The following FAM13A variants were observed in gnomAD, a reference collection of about 807,000 sequenced individuals.
FAM13A encodes protein FAM13A.
A neutral mutation model predicts 129.6 loss-of-function variants in FAM13A; 76 were observed. The observed-to-expected ratio is 0.59, with a 90% confidence interval of 0.49 to 0.71. FAM13A has a LOEUF of 0.71. FAM13A is among the 30% of genes least tolerant of loss of function. FAM13A has a pLI of 0.00. For missense variants in FAM13A, 1,108 were observed against 1,249.3 expected (o/e 0.89, Z 1.70); for synonymous variants, 443 against 449.9 (o/e 0.98, Z 0.20).
intron 4 of FAM13A, among the ~76,000 whole-genome samples, chr4:88,988,293 A>C (rs1762519375): frequency 6.6e-6 from 1 of 152,218 alleles, no homozygotes; most frequent in South Asian, 2.1e-4. Context: ...AGGCCTAACA[A>C]CCAAGTAGAA....
chr4:88,980,858 T>C (rs1579608602), intron 4 of FAM13A, among the ~76,000 whole-genome samples: 1 of 152,196 alleles, frequency 6.6e-6, no homozygotes, highest in East Asian at 1.9e-4. Flanking sequence ...TTAGCTGATA[T>C]CATTTAATAT....
At chr4:88,914,860 C>A (rs1350572314) in intron 5 of FAM13A, among the ~76,000 whole-genome samples, 1 of 152,096 alleles carries the variant, frequency 6.6e-6, no homozygotes, top group Non-Finnish European at 1.5e-5. Flanking sequence ...CATTAATTTC[C>A]AACCATTAGA....
At chr4:89,039,095 C>T (rs1769769996) in intron 1 of FAM13A, among the ~76,000 whole-genome samples, 1 of 152,144 alleles carries the variant, frequency 6.6e-6, no homozygotes, top group African/African-American at 2.4e-5. Flanking sequence ...GTGATGCTCA[C>T]TAGCTTGTAA....
intron 4 of FAM13A, among the ~76,000 whole-genome samples, chr4:88,947,600 AC>A (rs1756143195): frequency 6.6e-6 from 1 of 152,072 alleles, no homozygotes; most frequent in African/African-American, 2.4e-5. Context: ...ATTTTTGGCT[AC>A]CTGTTCCTGC....
intron 15 of FAM13A, 57 bp from the exon 16 acceptor site, chr4:88,749,966 G>A: frequency 6.3e-7 from 1 of 1,589,954 alleles, no homozygotes; most frequent in Non-Finnish European, 8.6e-7. Context: ...CTTGCCTAGA[G>A]GGGCCCTGGG....
rs563132111 is a variant in FAM13A at position 88,873,753 on chromosome 4, T to G, written c.844-22570A>C. Among the ~76,000 whole-genome samples the G allele has an allele frequency of 1.1e-4, 17 of 152,066 alleles. No individual in the cohort carries two copies. The South Asian group carries it at 3.3e-3, about 30-fold the overall frequency. On this transcript the variant is annotated intron_variant, in intron 6 of 23. Coordinates refer to ENST00000264344, the MANE Select transcript of FAM13A (RefSeq NM_014883.4). ...ACCATTCCTTCTGAAACTATTCCAA[T>G]AGAAAAAGAGGGAATCCTCCCTAAC...
At chr4:88,873,201 T>C (rs1458774460) in intron 6 of FAM13A, among the ~76,000 whole-genome samples, 2 of 152,070 alleles carry the variant, frequency 1.3e-5, no homozygotes, top group Admixed American at 1.3e-4. Context: ...AGATCTAAAA[T>C]TGACACCCTA....
chr4:88,953,347 C>T (rs1273197759), intron 4 of FAM13A, among the ~76,000 whole-genome samples: 7 of 151,914 alleles, frequency 4.6e-5, no homozygotes, highest in Non-Finnish European at 8.8e-5. Flanking sequence ...CCCAGCTACT[C>T]GGGAGGCTGA....
intron 4 of FAM13A, among the ~76,000 whole-genome samples, chr4:88,979,838 G>A (rs1292478246): frequency 6.6e-6 from 1 of 152,090 alleles, no homozygotes; most frequent in Non-Finnish European, 1.5e-5. Flanking sequence ...AGGTGTGGTG[G>A]CATGTGTCTG....
intron 7 of FAM13A, among the ~76,000 whole-genome samples, chr4:88,821,190 A>C (rs1578814982): frequency 6.6e-6 from 1 of 152,358 alleles, no homozygotes; most frequent in East Asian, 1.9e-4. Context: ...AGACAACCGC[A>C]CAAACCTGGT....
intron 5 of FAM13A, among the ~76,000 whole-genome samples, chr4:88,919,963 G>A (rs1750757219): frequency 6.6e-6 from 1 of 152,252 alleles, no homozygotes; most frequent in Non-Finnish European, 1.5e-5. Flanking sequence ...AGCAGTCTGA[G>A]ATCAAACTGC....
Position 88,768,072 on chromosome 4 carries a change from C to T in FAM13A, c.1459-13G>A. 1.3e-6 allele frequency: 2 copies of T among 1,544,506 alleles called. No individual in the cohort carries two copies. The highest frequency in any genetic ancestry group is 1.8e-6 in the Non-Finnish European group (2 of 1,118,392). On this transcript the variant is annotated splice_polypyrimidine_tract_variant and intron_variant, in intron 11 of 23. Transcript: ENST00000264344. ...GACTTTCCATATTCTGTAACAGAAC[C>T]ATTATTGGTTGCCTAATAGGAATGG...
At chr4:88,979,129 A>C (rs1761306802) in intron 4 of FAM13A, among the ~76,000 whole-genome samples, 1 of 152,216 alleles carries the variant, frequency 6.6e-6, no homozygotes, top group African/African-American at 2.4e-5. Flanking sequence ...CCTTACAGTA[A>C]TTAAATAAGC....
chr4:88,919,644 T>C (rs1202347246), intron 5 of FAM13A, among the ~76,000 whole-genome samples: 3 of 152,212 alleles, frequency 2.0e-5, no homozygotes, highest in African/African-American at 4.8e-5. Context: ...GATTTCTGCA[T>C]TTCCATCTGA....
Position 88,938,202 on chromosome 4 carries a change from C to G in FAM13A, c.645G>C (p.Leu215=). The change falls in exon 5 of 24, where the codon CTG becomes CTC. Residue 215 remains leucine, a synonymous_variant. Transcript: ENST00000264344. ...PGLEGMKEQD[L]CNKIMAKILE... The stretch of plus-strand genomic sequence containing the variant: ...GAATTTTAGCCATTATCTTGTTGCA[C>G]AGGTCCTGTTCCTTCATGCCTTCAA... 1 of 1,613,310 alleles carries G rather than the reference C, an allele frequency of 6.2e-7. No individual in the cohort carries two copies. Among genetic ancestry groups the G allele is most frequent in the South Asian group, 1.1e-5 (1 of 90,898 alleles).
intron 1 of FAM13A, among the ~76,000 whole-genome samples, chr4:89,051,525 C>T (rs1032346311): frequency 2.0e-5 from 3 of 152,176 alleles, no homozygotes; most frequent in African/African-American, 7.2e-5. Flanking sequence ...AAAATACATT[C>T]ATTCCATCTC....
At chr4:88,780,566 A>T (rs12645124) in intron 11 of FAM13A, among the ~76,000 whole-genome samples, 86,538 of 152,014 alleles carry the variant, frequency 0.57, 26,958 homozygotes, top group Non-Finnish European at 0.72. Context: ...ACAAATATTT[A>T]GCCACTGATT....
chr4:88,972,051 T>C (rs1285435273), intron 4 of FAM13A, among the ~76,000 whole-genome samples: 1 of 152,040 alleles, frequency 6.6e-6, no homozygotes, highest in Admixed American at 6.5e-5. Flanking sequence ...CACATATATA[T>C]ACATAATTAA....
intron 4 of FAM13A, among the ~76,000 whole-genome samples, chr4:88,940,232 C>T (rs1343912992): frequency 6.6e-6 from 1 of 152,206 alleles, no homozygotes; most frequent in African/African-American, 2.4e-5. Context: ...ATGCCTTGAA[C>T]CAGTTCTTAA....
Sources: allele counts gnomAD v4.1 joint callset (sites outside exome capture counted in the v4.1 genomes callset), GRCh38; gene constraint gnomAD v4.1.1; transcripts MANE v1.5; gene names NCBI Gene and HGNC (gene_info 2026-07-23, HGNC 2026-07-21).